NYAP2: variants seen among roughly 807,000 people sequenced by gnomAD.
NYAP2 encodes neuronal tyrosine-phosphorylated phosphoinositide-3-kinase adapter 2.
NYAP2 carries 23 observed loss-of-function variants against 50.4 expected under a neutral mutation model. The observed-to-expected ratio is 0.46, with a 90% CI of 0.33 to 0.65. The LOEUF is 0.65. Among genes scored for constraint, NYAP2 ranks in the 30% least tolerant of loss-of-function variants. The pLI, the probability that NYAP2 is intolerant of heterozygous loss-of-function variation, is 0.02. For synonymous variants in NYAP2, 394 were observed against 365.2 expected, an observed-to-expected ratio of 1.08 and a Z score of -0.90; for missense variants, 885 against 861.0, an observed-to-expected ratio of 1.03 and a Z score of -0.35.
chr2:225,594,160 A>G (rs187229155), intron 5 of NYAP2, among the ~76,000 whole-genome samples: 195 of 152,348 alleles, frequency 1.3e-3, no homozygotes, highest in African/African-American at 4.4e-3. Context: ...AAAGAAAATA[A>G]CATTTTAAAG....
chr2:225,517,976 C>T (rs1690964967), intron 4 of NYAP2, among the ~76,000 whole-genome samples: 1 of 152,118 alleles, frequency 6.6e-6, no homozygotes, highest in Non-Finnish European at 1.5e-5. Context: ...CTACTGGATA[C>T]ACTTCCAAGG....
At chr2:225,681,715 T>C in the NYAP2 span, among the ~76,000 whole-genome samples, 1 of 152,176 alleles carries the variant, frequency 6.6e-6, no homozygotes, top group African/African-American at 2.4e-5. Context: ...ACAACCTCAA[T>C]TGCAGAGCCA....
At chr2:225,686,777 CCACTGTGTGGAAA>C in the NYAP2 span, among the ~76,000 whole-genome samples, 4 of 152,096 alleles carry the variant, frequency 2.6e-5, no homozygotes, top group East Asian at 5.8e-4. Flanking sequence ...AGTGCCTTGC[CCACTGTGTGGAAA>C]CACTGTGGTT....
chr2:225,664,426 A>G, the NYAP2 span, among the ~76,000 whole-genome samples: 1 of 152,174 alleles, frequency 6.6e-6, no homozygotes, highest in Non-Finnish European at 1.5e-5. Flanking sequence ...ACGGATTAGT[A>G]TGTCATTGTA....
In NYAP2 at chr2:225,471,276, A is replaced by G. The variant is rs1690009380; in HGVS notation, c.222-42095A>G. Among the ~76,000 whole-genome samples, 5 of 152,340 alleles carry G rather than the reference A, an allele frequency of 3.3e-5. 1 individual carries two copies. The Middle Eastern group carries it at 0.01, about 311-fold the overall frequency. On this transcript the variant is annotated intron_variant, in intron 3 of 6. Transcript: ENST00000636099. ...TGTCCTCATGTGTGTCTATATCTATACACGTGAGTGAATGTGGTGACGCAG... is the reference window on the plus strand; with the variant it reads ...TGTCCTCATGTGTGTCTATATCTATGCACGTGAGTGAATGTGGTGACGCAG...
intron 4 of NYAP2, among the ~76,000 whole-genome samples, chr2:225,555,470 T>C (rs922211187): frequency 4.6e-5 from 7 of 152,170 alleles, no homozygotes; most frequent in Admixed American, 4.6e-4. Context: ...AGTCTCAGGT[T>C]AATACATTAG....
At chr2:225,584,023 T>C (rs1692348266) in intron 5 of NYAP2, among the ~76,000 whole-genome samples, 1 of 151,972 alleles carries the variant, frequency 6.6e-6, no homozygotes, top group African/African-American at 2.4e-5. Context: ...GCCTGGGCGA[T>C]AGAGCAAGAC....
At chr2:225,503,734 T>C (rs1350900062) in intron 3 of NYAP2, among the ~76,000 whole-genome samples, 2 of 152,224 alleles carry the variant, frequency 1.3e-5, no homozygotes, top group Non-Finnish European at 2.9e-5. Flanking sequence ...TCCCTAGCCA[T>C]GATTACCCTA....
chr2:225,550,465 A>G (rs1382599064), intron 4 of NYAP2, among the ~76,000 whole-genome samples: 1 of 152,232 alleles, frequency 6.6e-6, no homozygotes, highest in Non-Finnish European at 1.5e-5. Flanking sequence ...AAATAATCTC[A>G]GACGTGGTGG....
At chr2:225,576,327 G>C (rs1013165926) in intron 4 of NYAP2, among the ~76,000 whole-genome samples, 1 of 152,082 alleles carries the variant, frequency 6.6e-6, no homozygotes, top group South Asian at 2.1e-4. Context: ...CTTTGAACCC[G>C]ATCCTTTTTG....
intron 4 of NYAP2, among the ~76,000 whole-genome samples, chr2:225,521,045 G>A (rs1691045477): frequency 7.0e-6 from 1 of 143,124 alleles, no homozygotes; most frequent in Non-Finnish European, 1.5e-5. Flanking sequence ...ATTGTGAATG[G>A]GAGTTCACTC....
chr2:225,445,720 A>C (rs112124274), intron 3 of NYAP2, among the ~76,000 whole-genome samples: 1 of 152,274 alleles, frequency 6.6e-6, no homozygotes, highest in African/African-American at 2.4e-5. Flanking sequence ...GAGCAGCCCA[A>C]TTTGGTGCTG....
chr2:225,455,753 C>G (rs996335933), intron 3 of NYAP2, among the ~76,000 whole-genome samples: 1 of 152,158 alleles, frequency 6.6e-6, no homozygotes, highest in African/African-American at 2.4e-5. Context: ...TTCTCTCACA[C>G]ATATCTTTCA....
At chr2:225,603,749 TTTTG>T (rs1387390375) in intron 5 of NYAP2, among the ~76,000 whole-genome samples, 2 of 152,132 alleles carry the variant, frequency 1.3e-5, no homozygotes, top group Admixed American at 1.3e-4. Context: ...CAGAAGATAG[TTTTG>T]TTTGTTTGAG....
intron 5 of NYAP2, among the ~76,000 whole-genome samples, chr2:225,610,038 T>A (rs760603702): frequency 6.6e-6 from 1 of 152,162 alleles, no homozygotes; most frequent in African/African-American, 2.4e-5. Context: ...TGTAGTTGCC[T>A]CATAGTTCTT....
chr2:225,430,980 T>C (rs752855730), intron 3 of NYAP2, among the ~76,000 whole-genome samples: 13 of 152,188 alleles, frequency 8.5e-5, no homozygotes, highest in African/African-American at 3.1e-4. Flanking sequence ...AAAATGTACA[T>C]TCAGAGAGAA....
the NYAP2 span, among the ~76,000 whole-genome samples, chr2:225,686,163 G>A: frequency 6.6e-6 from 1 of 152,114 alleles, no homozygotes; most frequent in East Asian, 1.9e-4. Context: ...CAGAGAACAT[G>A]TGCTAAATCA....
intron 3 of NYAP2, among the ~76,000 whole-genome samples, chr2:225,438,236 A>G (rs890817333): frequency 6.6e-6 from 1 of 152,200 alleles, no homozygotes; most frequent in Non-Finnish European, 1.5e-5. Context: ...TAACTTTATG[A>G]GTATAGATGA....
chr2:225,702,898 G>T, the NYAP2 span: 1 of 151,218 alleles, frequency 6.6e-6, no homozygotes, highest in Non-Finnish European at 1.5e-5. Flanking sequence ...AATATAACTG[G>T]GTTTGCCCAC....
Sources: gnomAD v4.1 joint callset for allele counts (sites outside exome capture counted in the v4.1 genomes callset) on GRCh38, gnomAD v4.1.1 for gene constraint, MANE v1.5 for transcripts, NCBI Gene and HGNC (gene_info 2026-07-23, HGNC 2026-07-21) for gene names.